The following ITCH variants were observed in gnomAD, a reference collection of about 807,000 sequenced individuals.
ITCH encodes the protein E3 ubiquitin-protein ligase Itchy homolog.
In ITCH, 28 loss-of-function variants were observed where a neutral mutation model predicts 126.8. That is an observed-to-expected ratio of 0.22 (90% confidence interval 0.16 to 0.30). The LOEUF is 0.30. Ranked by LOEUF, ITCH falls within the 10% of genes least tolerant of loss-of-function variation. The probability of loss-of-function intolerance (pLI) is 1.00; values close to 1 mark genes in which losing one functional copy is unlikely to be tolerated. For missense variants in ITCH, 631 were observed against 1,032.4 expected (o/e 0.61, Z 5.33); for synonymous variants, 342 against 340.0 (o/e 1.01, Z -0.06).
chr20:34,407,354 C>A (rs1232515610), intron 3 of ITCH, among the ~76,000 whole-genome samples: 2 of 152,112 alleles, frequency 1.3e-5, no homozygotes, highest in Non-Finnish European at 2.9e-5. Flanking sequence ...GCAACCTCCA[C>A]CTCCCGGGTT....
At chr20:34,445,976 T>A (rs1984401012) in intron 11 of ITCH, among the ~76,000 whole-genome samples, 1 of 152,214 alleles carries the variant, frequency 6.6e-6, no homozygotes, top group Admixed American at 6.5e-5. Context: ...TTTAAATCTT[T>A]ATTATCTTTG....
intron 7 of ITCH, among the ~76,000 whole-genome samples, chr20:34,426,737 T>C (rs6059824): frequency 0.49 from 73,803 of 150,736 alleles, 18,272 homozygotes; most frequent in Middle Eastern, 0.51. Context: ...AGGCATAAGC[T>C]GCCATGCCTG....
chr20:34,387,880 T>G (rs1358991591), intron 2 of ITCH, among the ~76,000 whole-genome samples: 2 of 152,096 alleles, frequency 1.3e-5, no homozygotes, highest in Non-Finnish European at 2.9e-5. Flanking sequence ...GATTTTTGAA[T>G]TTTTAGTGGA....
intron 3 of ITCH, among the ~76,000 whole-genome samples, chr20:34,400,253 A>G (rs1035940320): frequency 5.9e-5 from 9 of 152,058 alleles, no homozygotes; most frequent in Non-Finnish European, 1.0e-4. Flanking sequence ...TTTTTTTTGT[A>G]GAAACAAGGT....
chr20:34,489,150 T>C (rs1989342338), intron 20 of ITCH, 116 bp from the exon 21 acceptor site: 2 of 833,858 alleles, frequency 2.4e-6, no homozygotes, highest in Non-Finnish European at 1.8e-6. Context: ...GTTCATTATG[T>C]TCTATTTTTG....
intron 1 of ITCH, among the ~76,000 whole-genome samples, chr20:34,365,622 G>GGCT (rs2037393177): frequency 6.6e-6 from 1 of 152,098 alleles, no homozygotes; most frequent in Non-Finnish European, 1.5e-5. Context: ...TCACCATATT[G>GGCT]GCTAGGCTGC....
At chr20:34,470,745 A>G (rs929412488) in intron 15 of ITCH, among the ~76,000 whole-genome samples, 6 of 151,960 alleles carry the variant, frequency 3.9e-5, no homozygotes, top group African/African-American at 1.4e-4. Context: ...GATGCACTTC[A>G]CCACACCTGG....
At chr20:34,484,646 A>G (rs1988984116) in intron 20 of ITCH, among the ~76,000 whole-genome samples, 1 of 152,234 alleles carries the variant, frequency 6.6e-6, no homozygotes, top group African/African-American at 2.4e-5. Flanking sequence ...TTTAGTATCT[A>G]CTTCAATAAT....
intron 11 of ITCH, among the ~76,000 whole-genome samples, chr20:34,448,546 G>A (rs1054831545): frequency 1.3e-5 from 2 of 152,036 alleles, no homozygotes; most frequent in African/African-American, 2.4e-5. Context: ...TTGAATCCTG[G>A]TGCTGGGTAT....
intron 6 of ITCH, among the ~76,000 whole-genome samples, chr20:34,414,732 A>T (rs1197235826): frequency 1.3e-5 from 2 of 152,034 alleles, no homozygotes; most frequent in African/African-American, 4.8e-5. Flanking sequence ...CGCCCACCTC[A>T]GCCTTCCAAA....
intron 14 of ITCH, among the ~76,000 whole-genome samples, chr20:34,469,396 C>T (rs1361735669): frequency 6.6e-6 from 1 of 151,988 alleles, no homozygotes; most frequent in African/African-American, 2.4e-5. Flanking sequence ...TCAAGTGATT[C>T]TCCTGCCTCA....
At chr20:34,379,674 A>G (rs1389047791) in intron 2 of ITCH, among the ~76,000 whole-genome samples, 4 of 150,244 alleles carry the variant, frequency 2.7e-5, no homozygotes, top group African/African-American at 9.8e-5. Flanking sequence ...GACTCACTGC[A>G]ACCTCCGCCT....
intron 12 of ITCH, among the ~76,000 whole-genome samples, chr20:34,452,404 A>G (rs1478100638): frequency 6.6e-6 from 1 of 152,188 alleles, no homozygotes; most frequent in African/African-American, 2.4e-5. Context: ...GCTTATTTTT[A>G]GGTTTCACAT....
At chr20:34,404,698 C>T (rs1049754510) in intron 3 of ITCH, among the ~76,000 whole-genome samples, 2 of 152,078 alleles carry the variant, frequency 1.3e-5, no homozygotes, top group African/African-American at 4.8e-5. Context: ...CAGGTGTGAG[C>T]CACCACGTTC....
intron 3 of ITCH, among the ~76,000 whole-genome samples, chr20:34,395,076 A>T (rs74937079): frequency 8.6e-5 from 13 of 151,894 alleles, no homozygotes; most frequent in Admixed American, 7.2e-4. Context: ...TATTAAAAAT[A>T]AAAAAAATTA....
intron 5 of ITCH, among the ~76,000 whole-genome samples, chr20:34,413,329 A>T (rs1450843782): frequency 6.6e-6 from 1 of 152,136 alleles, no homozygotes; most frequent in South Asian, 2.1e-4. Context: ...CCCCTCGACT[A>T]TCTAAAACAT....
Position 34,399,394 on chromosome 20 carries a change from AAAAT to A in ITCH, c.70+5525_70+5528del, listed in dbSNP as rs967432880. 1.0e-3 allele frequency among the ~76,000 whole-genome samples: 153 copies of A among 152,288 alleles called. 3 individuals are homozygous for A. Among genetic ancestry groups the A allele is most frequent in the African/African-American group, 3.8e-4 (16 of 41,562 alleles). ...GCAACAACAGTGAAACTGTCTCAAA[AAAAT>A]AAATAAATAAAATAAAAATAAACAA... On this transcript the variant is annotated intron_variant, in intron 3 of 24. Transcript: ENST00000374864.
chr20:34,394,201 G>T (rs997446306), intron 3 of ITCH, among the ~76,000 whole-genome samples: 4 of 108,420 alleles, frequency 3.7e-5, no homozygotes, highest in African/African-American at 1.5e-4. Context: ...GATAGGGTGA[G>T]ACTGTCTCAA....
intron 3 of ITCH, among the ~76,000 whole-genome samples, chr20:34,406,823 C>T (rs62212173): frequency 0.074 from 11,190 of 152,198 alleles, 628 homozygotes; most frequent in Non-Finnish European, 0.12. Flanking sequence ...CGTGAGCCAC[C>T]GCACCCGGCT....
Sources: allele counts gnomAD v4.1 joint callset (sites outside exome capture counted in the v4.1 genomes callset), GRCh38; gene constraint gnomAD v4.1.1; transcripts MANE v1.5; gene names NCBI Gene and HGNC (gene_info 2026-07-23, HGNC 2026-07-21).